The following TP53INP1 variants were observed in gnomAD, a reference collection of about 807,000 sequenced individuals.
The protein encoded by TP53INP1 is tumor protein p53 inducible nuclear protein 1.
In TP53INP1, 12 loss-of-function variants were observed where a neutral mutation model predicts 21.0. The observed-to-expected ratio is 0.57, with a 90% CI of 0.37 to 0.93. The LOEUF is 0.93. Among genes scored for constraint, TP53INP1 ranks in the 40% least tolerant of loss-of-function variants. The pLI, the probability that TP53INP1 is intolerant of heterozygous loss-of-function variation, is 0.01. For synonymous variants in TP53INP1, 91 were observed against 94.8 expected (o/e 0.96, Z 0.23); for missense variants, 274 against 294.7 (o/e 0.93, Z 0.51).
At chr8:94,944,497 G>A (rs1026341107) in intron 1 of TP53INP1, among the ~76,000 whole-genome samples, 1 of 152,214 alleles carries the variant, frequency 6.6e-6, no homozygotes, top group Admixed American at 6.5e-5. Flanking sequence ...TTTCTAGGGA[G>A]CAGTACAAGT....
intron 3 of TP53INP1, among the ~76,000 whole-genome samples, chr8:94,938,137 G>C (rs1163554348): frequency 6.6e-6 from 1 of 152,224 alleles, no homozygotes; most frequent in Non-Finnish European, 1.5e-5. Flanking sequence ...CCAGATGCCT[G>C]AAAGGGTGAA....
intron 3 of TP53INP1, among the ~76,000 whole-genome samples, chr8:94,934,669 T>C (rs1820788550): frequency 6.6e-6 from 1 of 152,098 alleles, no homozygotes; most frequent in Non-Finnish European, 1.5e-5. Flanking sequence ...TGTAAGCCAC[T>C]GCACCTGGCC....
chr8:94,943,759 C>T (rs1482182087), intron 1 of TP53INP1, among the ~76,000 whole-genome samples: 1 of 152,232 alleles, frequency 6.6e-6, no homozygotes, highest in East Asian at 1.9e-4. Flanking sequence ...CATTAGAACA[C>T]TTTGTGGTCA....
intron 1 of TP53INP1, among the ~76,000 whole-genome samples, chr8:94,941,526 T>G (rs1821530974): frequency 6.6e-6 from 1 of 152,234 alleles, no homozygotes; most frequent in South Asian, 2.1e-4. Flanking sequence ...TCTCTTCTAC[T>G]CTGTACTTCT....
intron 1 of TP53INP1, among the ~76,000 whole-genome samples, chr8:94,943,373 T>C (rs1199096430): frequency 1.3e-5 from 2 of 152,146 alleles, no homozygotes; most frequent in South Asian, 4.1e-4. Flanking sequence ...CCTGTAGTCC[T>C]AGCTACTTGG....
In TP53INP1 at chr8:94,932,037, T is replaced by C. The variant is rs746055999; in HGVS notation, c.474-1309A>G. On this transcript the variant is annotated intron_variant, in intron 3 of 3. Transcript: ENST00000342697. ...GGTCCTTTGCCTCCCTATGCATACA[T>C]ATATCACACAGTCTCAAAGTGAATA... 21 of 1,599,158 alleles carry C rather than the reference T, an allele frequency of 1.3e-5. No individual in the cohort carries two copies. In the East Asian group the frequency reaches 4.0e-4, roughly 31 times the overall value.
intron 3 of TP53INP1, among the ~76,000 whole-genome samples, chr8:94,937,615 A>C (rs796763386): frequency 6.6e-5 from 10 of 152,236 alleles, no homozygotes; most frequent in African/African-American, 2.4e-4. Flanking sequence ...TAATGACTTT[A>C]ACTTTTTCTT....
intron 3 of TP53INP1, among the ~76,000 whole-genome samples, chr8:94,935,089 C>CGGTA (rs151249970): frequency 0.14 from 21,612 of 149,868 alleles, 2,360 homozygotes; most frequent in African/African-American, 0.31. Flanking sequence ...AAACAGGAAA[C>CGGTA]GGTAGGTAGG....
chr8:94,942,929 A>G (rs1821682998), intron 1 of TP53INP1, among the ~76,000 whole-genome samples: 1 of 152,206 alleles, frequency 6.6e-6, no homozygotes, highest in African/African-American at 2.4e-5. Flanking sequence ...GTAAGCCTGG[A>G]AAAGGGGAAG....
chr8:94,940,112 T>G lies in TP53INP1; in HGVS notation c.221A>C (p.Glu74Ala). 1 of 1,614,202 alleles carries G rather than the reference T, an allele frequency of 6.2e-7. No homozygotes were observed. Among genetic ancestry groups the G allele is most frequent in the Non-Finnish European group, 8.5e-7 (1 of 1,180,042 alleles). The change falls in exon 3 of 4, where the codon GAG (glutamate) becomes GCG (alanine). Residue 74 changes from glutamate to alanine, a missense_variant. Physicochemically the swap from Glu to Ala is moderately radical, Grantham distance 107. Coordinates refer to ENST00000342697, the MANE Select transcript of TP53INP1 (RefSeq NM_033285.4). ...SVFSCLPASLECLADTSDSCF... is the reference protein window; with the variant it reads ...SVFSCLPASLACLADTSDSCF... ...GGAATCACTTGTATCAGCCAAGCAC[T>G]CAAGAGATGCCGGTAAACAGGAAAA...
chr8:94,939,816 T>C (rs1431478632), intron 3 of TP53INP1, 44 bp downstream of exon 3: 1 of 1,573,356 alleles, frequency 6.4e-7, no homozygotes, highest in Non-Finnish European at 8.6e-7. Flanking sequence ...ACAAAATGCA[T>C]GCTCAGTGGA....
chr8:94,935,089 C>A (rs1001470913), intron 3 of TP53INP1, among the ~76,000 whole-genome samples: 1 of 149,836 alleles, frequency 6.7e-6, no homozygotes, highest in African/African-American at 2.5e-5. Flanking sequence ...AAACAGGAAA[C>A]GGTAGGTAGG....
rs544822193 is a variant in TP53INP1 at position 94,934,713 on chromosome 8, G to T, written c.474-3985C>A. Among the ~76,000 whole-genome samples the T allele has an allele frequency of 5.9e-5, 9 of 151,950 alleles. 1 individual carries two copies. In the East Asian group the frequency reaches 1.2e-3, roughly 20 times the overall value. ...AATTCTTGAGTGGCATTCCTCAGAGGTAAAATCATAATCAGAAGGGAAGAA... is the reference window on the plus strand; with the variant it reads ...AATTCTTGAGTGGCATTCCTCAGAGTTAAAATCATAATCAGAAGGGAAGAA... On this transcript the variant is annotated intron_variant, in intron 3 of 3. Coordinates refer to ENST00000342697, the MANE Select transcript of TP53INP1 (RefSeq NM_033285.4).
At chr8:94,930,869 G>A in intron 3 of TP53INP1, 141 bp from the exon 4 acceptor site, 4 of 1,021,716 alleles carry the variant, frequency 3.9e-6, no homozygotes, top group African/African-American at 1.6e-5. Flanking sequence ...TGACAGACAA[G>A]TTTATTATTC....
chr8:94,931,587 T>TACACAC (rs557721378), intron 3 of TP53INP1, among the ~76,000 whole-genome samples: 4,505 of 68,602 alleles, frequency 0.066, 120 homozygotes, highest in African/African-American at 0.1. Flanking sequence ...ACATATTTAT[T>TACACAC]ACACACACAC....
At chr8:94,933,904 C>T (rs1212542367) in intron 3 of TP53INP1, among the ~76,000 whole-genome samples, 6 of 147,656 alleles carry the variant, frequency 4.1e-5, no homozygotes, top group Non-Finnish European at 8.9e-5. Flanking sequence ...AGCCCCGTCT[C>T]TACTAAAAAT....
chr8:94,930,993 A>T (rs1820338545), intron 3 of TP53INP1, among the ~76,000 whole-genome samples: 1 of 152,140 alleles, frequency 6.6e-6, no homozygotes, highest in Admixed American at 6.6e-5. Context: ...TACACTTTAA[A>T]CTTTGAATTT....
rs1586685116 is a variant in TP53INP1, at chr8:94,929,978, C to T, written c.*501G>A. Reference sequence around the variant, plus strand: ...AAGTCCAGCCATAATTCCATTATATCCATGGCAACTATCACCTGTTAATGC... The same window carrying T: ...AAGTCCAGCCATAATTCCATTATATTCATGGCAACTATCACCTGTTAATGC... On this transcript the variant is annotated 3_prime_UTR_variant, in exon 4 of 4. Coordinates refer to ENST00000342697, the MANE Select transcript of TP53INP1 (RefSeq NM_033285.4). The T allele has an allele frequency of 6.5e-6, 1 of 153,568 alleles. No individual in the cohort carries two copies. Among genetic ancestry groups the T allele is most frequent in the African/African-American group, 2.4e-5 (1 of 41,564 alleles). The allele number at this position is 153,568 out of a possible 1,614,324, so 9.5% of individuals were successfully genotyped here.
In TP53INP1 at chr8:94,929,358, A is replaced by G. The variant is rs2131304206; in HGVS notation, c.*1121T>C. 1 of 152,252 alleles carries G rather than the reference A, an allele frequency of 6.6e-6. No individual in the cohort carries two copies. The highest frequency in any genetic ancestry group is 6.5e-5 in the Admixed American group (1 of 15,304). 9.4% of individuals were successfully genotyped at this position (152,252 alleles called of 1,614,324 possible). ...GTGGTTAAAGATTTTGCCTGAAGTT[A>G]AAACAAAAAATGAAAAGTCACTTGG... On this transcript the variant is annotated 3_prime_UTR_variant, in exon 4 of 4. Coordinates refer to ENST00000342697, the MANE Select transcript of TP53INP1 (RefSeq NM_033285.4).
Sources: allele counts gnomAD v4.1 joint callset (sites outside exome capture counted in the v4.1 genomes callset), GRCh38; gene constraint gnomAD v4.1.1; transcripts MANE v1.5; gene names NCBI Gene and HGNC (gene_info 2026-07-23, HGNC 2026-07-21).